TNNI3K: variants seen among roughly 807,000 people sequenced by gnomAD.
TNNI3K encodes serine/threonine-protein kinase TNNI3K.
A neutral mutation model predicts 114.5 loss-of-function variants in TNNI3K; 140 were observed. That is an observed-to-expected ratio of 1.22 (90% CI 1.07 to 1.41). TNNI3K has a LOEUF of 1.41. Among genes scored for constraint, TNNI3K ranks in the 40% most tolerant of loss-of-function variants. The pLI is 0.00. For missense variants in TNNI3K, 1,125 were observed against 1,007.6 expected (o/e 1.12, Z -1.58); for synonymous variants, 347 against 347.5 (o/e 1.00, Z 0.02).
intron 9 of TNNI3K, among the ~76,000 whole-genome samples, chr1:74,352,637 CT>C (rs1250644607): frequency 2.0e-5 from 3 of 152,174 alleles, no homozygotes; most frequent in African/African-American, 4.8e-5. Context: ...TTCCCAGAAG[CT>C]TTGTTTACCT....
chr1:74,492,183 C>T lies in TNNI3K; in HGVS notation c.2268C>T (p.Gly756=). Residue 756 remains glycine, a synonymous_variant, in exon 23 of 25, where the codon GGC becomes GGT. Transcript: ENST00000326637. ...SDCLVNRGGP[G]RSHVAALRSR... ...GCCTGGTGAACCGGGGAGGACCTGGCCGGAGTCATGTGGCAGCATTAAGAA... is the reference window on the plus strand; with the variant it reads ...GCCTGGTGAACCGGGGAGGACCTGGTCGGAGTCATGTGGCAGCATTAAGAA... 6.2e-7 allele frequency: 1 copy of T among 1,612,990 alleles called. No individual in the cohort carries two copies. Among genetic ancestry groups the T allele is most frequent in the Non-Finnish European group, 8.5e-7 (1 of 1,179,270 alleles).
At chr1:74,515,038 G>A (rs560919243) in intron 23 of TNNI3K, among the ~76,000 whole-genome samples, 76 of 152,274 alleles carry the variant, frequency 5.0e-4, no homozygotes, top group South Asian at 1.0e-3. Context: ...TATAAGGATC[G>A]TAGCCCTCAC....
At chr1:74,437,828 C>G (rs1055503279) in intron 19 of TNNI3K, among the ~76,000 whole-genome samples, 10 of 151,734 alleles carry the variant, frequency 6.6e-5, no homozygotes, top group Non-Finnish European at 1.5e-4. Flanking sequence ...CGAATCTGAT[C>G]CCCAGAAATT....
At chr1:74,502,215 A>C (rs933874405) in intron 23 of TNNI3K, among the ~76,000 whole-genome samples, 2 of 152,148 alleles carry the variant, frequency 1.3e-5, no homozygotes, top group Non-Finnish European at 2.9e-5. Context: ...GTAGATTGTA[A>C]ACATCATGCA....
At chr1:74,519,991 T>C (rs987718561) in intron 23 of TNNI3K, among the ~76,000 whole-genome samples, 1 of 152,174 alleles carries the variant, frequency 6.6e-6, no homozygotes, top group Admixed American at 6.5e-5. Flanking sequence ...TTGCCCAAGC[T>C]CATTTATGTA....
intron 21 of TNNI3K, among the ~76,000 whole-genome samples, chr1:74,472,565 C>T (rs919208849): frequency 3.3e-5 from 5 of 151,958 alleles, no homozygotes; most frequent in Non-Finnish European, 7.4e-5. Flanking sequence ...ATTCATTTCC[C>T]ATTTGCAACT....
intron 2 of TNNI3K, 22 bp downstream of exon 2, chr1:74,236,232 T>C (rs758204660): frequency 1.0e-5 from 16 of 1,586,382 alleles, no homozygotes; most frequent in Non-Finnish European, 1.4e-5. Flanking sequence ...AGAGTCATTA[T>C]TTCTTTGTAT....
At chr1:74,368,845 T>G (rs998053920) in intron 13 of TNNI3K, 177 bp from the exon 14 acceptor site, 3 of 537,074 alleles carry the variant, frequency 5.6e-6, no homozygotes, top group African/African-American at 2.0e-5. Context: ...TGCAGGGGGG[T>G]AGGGATCATT....
chr1:74,509,539 T>C (rs1670071701), intron 23 of TNNI3K, among the ~76,000 whole-genome samples: 1 of 152,178 alleles, frequency 6.6e-6, no homozygotes, highest in African/African-American at 2.4e-5. Context: ...ATAAATCGTA[T>C]ACTCTTTTCT....
At chr1:74,335,864 C>T (rs1660436353) in intron 6 of TNNI3K, 147 bp from the exon 7 acceptor site, 1 of 783,272 alleles carries the variant, frequency 1.3e-6, no homozygotes, top group Non-Finnish European at 1.9e-6. Context: ...TTAATCAACC[C>T]TAGAATTGTT....
At chr1:74,372,145 CATAA>C (rs1422457266) in intron 17 of TNNI3K, 1 of 143,334 alleles carries the variant, frequency 7.0e-6, no homozygotes, top group Non-Finnish European at 1.5e-5. Context: ...AAAGAATTTA[CATAA>C]ATAATATAAA....
At chr1:74,275,583 A>G (rs1434484751) in intron 5 of TNNI3K, among the ~76,000 whole-genome samples, 3 of 152,050 alleles carry the variant, frequency 2.0e-5, no homozygotes, top group Non-Finnish European at 2.9e-5. Context: ...CTAAAGAATG[A>G]TGAGAACTAG....
chr1:74,455,488 C>A (rs976103319), intron 20 of TNNI3K, among the ~76,000 whole-genome samples: 7 of 152,102 alleles, frequency 4.6e-5, no homozygotes, highest in African/African-American at 1.7e-4. Context: ...AGAAGCAGAA[C>A]AAGTGGAATA....
intron 20 of TNNI3K, among the ~76,000 whole-genome samples, chr1:74,456,077 G>A (rs564576604): frequency 6.6e-6 from 1 of 152,184 alleles, no homozygotes; most frequent in South Asian, 2.1e-4. Flanking sequence ...CAAAGCAAAG[G>A]CTGGACTGGA....
At chr1:74,511,695 C>T (rs1395969543) in intron 23 of TNNI3K, among the ~76,000 whole-genome samples, 4 of 151,984 alleles carry the variant, frequency 2.6e-5, no homozygotes, top group Non-Finnish European at 4.4e-5. Context: ...GAGAAACACA[C>T]AGGAAGATAA....
At chr1:74,513,600 G>A (rs1476516410) in intron 23 of TNNI3K, among the ~76,000 whole-genome samples, 3 of 152,138 alleles carry the variant, frequency 2.0e-5, no homozygotes, top group African/African-American at 4.8e-5. Context: ...GGCAGCTGGC[G>A]CTACTATGTG....
At chr1:74,500,338 C>T (rs1337732730) in intron 23 of TNNI3K, among the ~76,000 whole-genome samples, 2 of 151,680 alleles carry the variant, frequency 1.3e-5, no homozygotes, top group African/African-American at 2.4e-5. Context: ...ATAAATGCAC[C>T]TTTAAAAATT....
chr1:74,526,117 T>C (rs1008995299), intron 23 of TNNI3K, among the ~76,000 whole-genome samples: 1 of 152,316 alleles, frequency 6.6e-6, no homozygotes, highest in East Asian at 1.9e-4. Context: ...TTTGTGAAGA[T>C]CAATGTTCTG....
chr1:74,278,332 C>T (rs1037815086), intron 5 of TNNI3K, among the ~76,000 whole-genome samples: 14 of 152,132 alleles, frequency 9.2e-5, no homozygotes, highest in Non-Finnish European at 1.9e-4. Flanking sequence ...TTGACTTGAT[C>T]CTCAGTTGAG....
Sources: allele counts gnomAD v4.1 joint callset (sites outside exome capture counted in the v4.1 genomes callset), GRCh38; gene constraint gnomAD v4.1.1; transcripts MANE v1.5; gene names NCBI Gene and HGNC (gene_info 2026-07-23, HGNC 2026-07-21).